Variants in SLMAP observed in about 807,000 individuals in gnomAD.
The protein encoded by SLMAP is sarcolemma associated protein.
Under a neutral mutation model 128.8 loss-of-function variants are expected in SLMAP, and 44 were observed. The observed-to-expected ratio is 0.34, with a 90% confidence interval of 0.27 to 0.44. The LOEUF (loss-of-function observed/expected upper bound fraction) is 0.44. SLMAP is among the 20% of genes least tolerant of loss of function. SLMAP has a pLI of 1.00. For missense variants in SLMAP, 787 were observed against 985.3 expected (o/e 0.80, Z 2.69); for synonymous variants, 327 against 348.8 (o/e 0.94, Z 0.70).
chr3:57,893,759 G>A (rs2153655628), intron 15 of SLMAP, among the ~76,000 whole-genome samples: 1 of 152,128 alleles, frequency 6.6e-6, no homozygotes, highest in African/African-American at 2.4e-5. Flanking sequence ...TTTTATTTGA[G>A]AATGTAACTT....
At chr3:57,848,156 C>T (rs1415152129) in intron 5 of SLMAP, among the ~76,000 whole-genome samples, 1 of 151,964 alleles carries the variant, frequency 6.6e-6, no homozygotes, top group Non-Finnish European at 1.5e-5. Context: ...CTTCTTCCTT[C>T]TTCTTCTCCT....
chr3:57,794,537 A>C (rs2086261713), intron 2 of SLMAP, among the ~76,000 whole-genome samples: 1 of 152,148 alleles, frequency 6.6e-6, no homozygotes, highest in Admixed American at 6.5e-5. Context: ...CTAATTCTAG[A>C]ACATTTTCAT....
At chr3:57,911,457 G>A (rs376295979) in intron 19 of SLMAP, among the ~76,000 whole-genome samples, 39 of 151,832 alleles carry the variant, frequency 2.6e-4, no homozygotes, top group African/African-American at 7.7e-4. Context: ...CTTGTTCTGC[G>A]CCAAGTTTGA....
chr3:57,780,170 A>G (rs2082734072), intron 2 of SLMAP, among the ~76,000 whole-genome samples: 1 of 148,236 alleles, frequency 6.7e-6, no homozygotes, highest in Non-Finnish European at 1.5e-5. Context: ...TTTTTGAGAC[A>G]GGGTCTTGCT....
At chr3:57,868,823 AAAT>A (rs1560329696) in intron 13 of SLMAP, among the ~76,000 whole-genome samples, 1 of 132,292 alleles carries the variant, frequency 7.6e-6, no homozygotes, top group Non-Finnish European at 1.6e-5. Context: ...TATATATATA[AAAT>A]ATATATATGT....
rs145430540 is a variant in SLMAP at position 57,824,992 on chromosome 3, T to C, written c.199-6391T>C. On this transcript the variant is annotated intron_variant, in intron 2 of 24. Transcript: ENST00000671191. ...TTACCTCCTCAGTTAAATTTATTCA[T>C]AGGTATTTTATTCTTCTAGATGGAA... Among the ~76,000 whole-genome samples the C allele has an allele frequency of 1.5e-3, 224 of 152,332 alleles. 1 individual carries two copies. The highest frequency in any genetic ancestry group is 5.1e-3 in the African/African-American group (214 of 41,592).
At chr3:57,797,529 G>T (rs896984985) in intron 2 of SLMAP, among the ~76,000 whole-genome samples, 1 of 151,426 alleles carries the variant, frequency 6.6e-6, no homozygotes, top group Non-Finnish European at 1.5e-5. Context: ...AATGTTAGTC[G>T]TGTAATGCAT....
At chr3:57,916,414 C>A (rs2096813033) in intron 21 of SLMAP, among the ~76,000 whole-genome samples, 1 of 152,170 alleles carries the variant, frequency 6.6e-6, no homozygotes, top group African/African-American at 2.4e-5. Context: ...ACTCAGCCTC[C>A]TACTTCTTTG....
At chr3:57,772,959 GAC>G (rs1302100934) in intron 2 of SLMAP, among the ~76,000 whole-genome samples, 14 of 152,276 alleles carry the variant, frequency 9.2e-5, no homozygotes, top group African/African-American at 3.1e-4. Flanking sequence ...GTTTCTTTGT[GAC>G]ACTAACTCCT....
Position 57,864,835 on chromosome 3 carries a change from T to G in SLMAP, c.1164T>G (p.Thr388=), listed in dbSNP as rs2153605167. 6.3e-7 allele frequency: 1 copy of G among 1,588,180 alleles called. No individual in the cohort carries two copies. The highest frequency in any genetic ancestry group is 1.4e-5 in the African/African-American group (1 of 73,490). The change falls in exon 12 of 25, where the codon ACT becomes ACG. Residue 388 remains threonine, a synonymous_variant. Transcript: ENST00000671191. ...QVRLEHLQEK[T]LKECSSLGIQ... is the part of the protein sequence containing the mutation. The stretch of plus-strand genomic sequence containing the variant: ...GGTTAGAACATCTTCAGGAGAAAAC[T>G]CTTAAAGAATGCAGCAGCTTGGGTA...
intron 3 of SLMAP, 78 bp from the exon 4 acceptor site, chr3:57,841,221 A>G (rs1226559837): frequency 2.6e-6 from 2 of 775,322 alleles, no homozygotes; most frequent in Non-Finnish European, 2.0e-6. Context: ...AGAATAAACT[A>G]TGTTTACATA....
At chr3:57,834,554 A>G (rs1055879412) in intron 3 of SLMAP, among the ~76,000 whole-genome samples, 2 of 152,116 alleles carry the variant, frequency 1.3e-5, no homozygotes, top group Admixed American at 6.5e-5. Flanking sequence ...AATTTGATTA[A>G]TTGATTGTTT....
chr3:57,920,624 A>G (rs1488799631), intron 22 of SLMAP, among the ~76,000 whole-genome samples: 1 of 152,134 alleles, frequency 6.6e-6, no homozygotes, highest in Non-Finnish European at 1.5e-5. Context: ...CATAAGCTAC[A>G]TTTAGGGACA....
intron 3 of SLMAP, among the ~76,000 whole-genome samples, chr3:57,835,962 A>G (rs528283002): frequency 6.6e-6 from 1 of 152,260 alleles, no homozygotes; most frequent in South Asian, 2.1e-4. Context: ...TTATGAAAGG[A>G]TGTTTTTGGC....
chr3:57,775,338 G>C (rs980893418), intron 2 of SLMAP, among the ~76,000 whole-genome samples: 5 of 151,820 alleles, frequency 3.3e-5, no homozygotes, highest in Non-Finnish European at 7.4e-5. Context: ...CACCGCGCCC[G>C]GCGAAAACTT....
intron 9 of SLMAP, among the ~76,000 whole-genome samples, chr3:57,861,387 A>G (rs545204293): frequency 8.7e-4 from 132 of 152,346 alleles, no homozygotes; most frequent in African/African-American, 3.0e-3. Flanking sequence ...TCTTTGAACC[A>G]CTGCAAAATT....
At chr3:57,861,922 TA>T (rs1470224349) in intron 9 of SLMAP, 26 bp from the exon 10 acceptor site, 2 of 1,590,340 alleles carry the variant, frequency 1.3e-6, no homozygotes, top group African/African-American at 2.7e-5. Flanking sequence ...TTATTCTAAT[TA>T]AATTGCCTGT....
At chr3:57,819,492 C>G (rs1466029679) in intron 2 of SLMAP, among the ~76,000 whole-genome samples, 1 of 152,126 alleles carries the variant, frequency 6.6e-6, no homozygotes, top group Non-Finnish European at 1.5e-5. Context: ...TTCCCCCCCA[C>G]AAATAAGATG....
At chr3:57,911,055 T>A (rs1424102742) in intron 19 of SLMAP, among the ~76,000 whole-genome samples, 1 of 152,246 alleles carries the variant, frequency 6.6e-6, no homozygotes, top group Non-Finnish European at 1.5e-5. Flanking sequence ...AATGTCATTA[T>A]CCATTAATTT....
Sources: allele counts gnomAD v4.1 joint callset (sites outside exome capture counted in the v4.1 genomes callset), GRCh38; gene constraint gnomAD v4.1.1; transcripts MANE v1.5; gene names NCBI Gene and HGNC (gene_info 2026-07-23, HGNC 2026-07-21).